Variants in CPXM2 observed in about 807,000 individuals in gnomAD.
The protein encoded by CPXM2 is inactive carboxypeptidase-like protein X2.
In CPXM2, 66 loss-of-function variants were observed where a neutral mutation model predicts 86.1. The observed-to-expected ratio is 0.77, with a 90% confidence interval of 0.63 to 0.94. The LOEUF (loss-of-function observed/expected upper bound fraction) is 0.94, where lower values mean the gene tolerates loss of function less well. CPXM2 is among the 40% of genes least tolerant of loss of function. The pLI is 0.00. For missense variants in CPXM2, 948 were observed against 1,026.3 expected (o/e 0.92, Z 1.04); for synonymous variants, 388 against 400.2 (o/e 0.97, Z 0.36).
intron 4 of CPXM2, among the ~76,000 whole-genome samples, chr10:123,835,971 GC>G (rs1261303883): frequency 6.6e-6 from 1 of 152,148 alleles, no homozygotes; most frequent in African/African-American, 2.4e-5. Flanking sequence ...GGAGGCTCGG[GC>G]TCCCCGACGC....
intron 6 of CPXM2, among the ~76,000 whole-genome samples, chr10:123,794,574 T>A (rs1847283487): frequency 6.6e-6 from 1 of 152,184 alleles, no homozygotes; most frequent in African/African-American, 2.4e-5. Flanking sequence ...CTCGCTTTTT[T>A]TTATTGTTAA....
chr10:123,783,390 T>G (rs1846978639), intron 6 of CPXM2, among the ~76,000 whole-genome samples: 1 of 152,232 alleles, frequency 6.6e-6, no homozygotes, highest in Non-Finnish European at 1.5e-5. Context: ...CTATTCCAGG[T>G]GCTTCAGATA....
intron 2 of CPXM2, among the ~76,000 whole-genome samples, chr10:123,911,338 GTCCCC>G (rs1480636116): frequency 1.3e-5 from 2 of 152,046 alleles, no homozygotes; most frequent in Non-Finnish European, 2.9e-5. Context: ...CAGGGGACAG[GTCCCC>G]CGGCAGCTGC....
chr10:123,859,808 G>C (rs1848815334), intron 3 of CPXM2, among the ~76,000 whole-genome samples: 1 of 152,228 alleles, frequency 6.6e-6, no homozygotes, highest in Non-Finnish European at 1.5e-5. Flanking sequence ...AGGGGAGCTT[G>C]GCATTCTGCC....
intron 11 of CPXM2, among the ~76,000 whole-genome samples, chr10:123,759,196 G>A (rs755618501): frequency 2.0e-4 from 30 of 152,218 alleles, no homozygotes; most frequent in South Asian, 4.2e-4. Flanking sequence ...AAATTCCTTC[G>A]GTCAAACCTG....
In CPXM2 at chr10:123,746,575, G is replaced by A; in HGVS notation, c.*189C>T. ...CTCTGTCCAAGTTATTTGGATAAATGGGAACAAAGAAAAGAAAACAGCCTC... is the reference window on the plus strand; with the variant it reads ...CTCTGTCCAAGTTATTTGGATAAATAGGAACAAAGAAAAGAAAACAGCCTC... On this transcript the variant is annotated 3_prime_UTR_variant, in exon 14 of 14. Transcript: ENST00000241305. The A allele has an allele frequency of 1.6e-6, 1 of 625,744 alleles. No individual in the cohort carries two copies. Among genetic ancestry groups the A allele is most frequent in the Non-Finnish European group, 2.8e-6 (1 of 361,212 alleles). The allele number at this position is 625,744 out of a possible 1,614,324, so 38.8% of individuals were successfully genotyped here.
intron 2 of CPXM2, among the ~76,000 whole-genome samples, chr10:123,912,318 G>GGT (rs1945497054): frequency 7.9e-6 from 1 of 126,578 alleles, no homozygotes; most frequent in Non-Finnish European, 1.7e-5. Context: ...CGGGGGGGGG[G>GGT]GGGCAGGCAT....
intron 1 of CPXM2, among the ~76,000 whole-genome samples, chr10:123,889,770 G>A (rs1020325228): frequency 6.6e-6 from 1 of 152,150 alleles, no homozygotes; most frequent in Non-Finnish European, 1.5e-5. Flanking sequence ...CTAAACATGG[G>A]TGTTAGGCCC....
chr10:123,851,117 G>A (rs1206870659), intron 3 of CPXM2, among the ~76,000 whole-genome samples: 1 of 152,004 alleles, frequency 6.6e-6, no homozygotes, highest in African/African-American at 2.4e-5. Context: ...TTTTTCTCAT[G>A]GCCATTGGCC....
intron 1 of CPXM2, among the ~76,000 whole-genome samples, chr10:123,883,491 C>T (rs1239604456): frequency 6.6e-6 from 1 of 152,220 alleles, no homozygotes; most frequent in African/African-American, 2.4e-5. Context: ...CAGCAGGAAA[C>T]AAAAATGCTG....
chr10:123,753,189 T>C (rs944778251), intron 13 of CPXM2, among the ~76,000 whole-genome samples: 1 of 152,030 alleles, frequency 6.6e-6, no homozygotes, highest in Admixed American at 6.5e-5. Context: ...CCCCGTGTAG[T>C]GTCAGTCCAC....
intron 4 of CPXM2, among the ~76,000 whole-genome samples, chr10:123,840,719 T>G (rs957543617): frequency 6.6e-6 from 1 of 152,172 alleles, no homozygotes; most frequent in African/African-American, 2.4e-5. Flanking sequence ...TTGCTGGATG[T>G]TATAATATTG....
chr10:123,846,201 G>A (rs1460291112), intron 3 of CPXM2, among the ~76,000 whole-genome samples: 1 of 152,084 alleles, frequency 6.6e-6, no homozygotes, highest in Non-Finnish European at 1.5e-5. Context: ...TTATTAAATT[G>A]TAATATATAA....
chr10:123,895,690 G>A (rs149314935), upstream of CPXM2, among the ~76,000 whole-genome samples: 1,287 of 152,238 alleles, frequency 8.5e-3, 13 homozygotes, highest in African/African-American at 0.029. Flanking sequence ...GAGTCTCTCC[G>A]CGTAGTGTAA....
chr10:123,930,236 C>T (rs989310020), intron 2 of CPXM2, among the ~76,000 whole-genome samples: 3 of 152,248 alleles, frequency 2.0e-5, no homozygotes, highest in African/African-American at 7.2e-5. Context: ...AGACCCCTCT[C>T]CTGGGCTTTT....
At chr10:123,847,424 G>A (rs529055067) in intron 3 of CPXM2, among the ~76,000 whole-genome samples, 1 of 152,226 alleles carries the variant, frequency 6.6e-6, no homozygotes, top group South Asian at 2.1e-4. Flanking sequence ...CACTCAGGAG[G>A]CTGAGGCAGG....
At chr10:123,907,947 G>A (rs1478553179) in intron 2 of CPXM2, among the ~76,000 whole-genome samples, 1 of 152,138 alleles carries the variant, frequency 6.6e-6, no homozygotes, top group Non-Finnish European at 1.5e-5. Context: ...AAGGGAGGGG[G>A]AGGAAAGGAA....
intron 2 of CPXM2, among the ~76,000 whole-genome samples, chr10:123,875,807 C>CTTTTTTTTTTTTTTTT (rs780970130): frequency 3.5e-5 from 3 of 84,680 alleles, no homozygotes; most frequent in African/African-American, 8.5e-5. Flanking sequence ...TCTTTTCTTT[C>CTTTTTTTTTTTTTTTT]TTTTTTTTTT....
intron 2 of CPXM2, among the ~76,000 whole-genome samples, chr10:123,920,642 A>C (rs948389792): frequency 5.3e-5 from 8 of 152,224 alleles, no homozygotes; most frequent in African/African-American, 1.7e-4. Flanking sequence ...ATGACAGTGG[A>C]TAATTGTTAG....
Sources: gnomAD v4.1 joint callset for allele counts (sites outside exome capture counted in the v4.1 genomes callset) on GRCh38, gnomAD v4.1.1 for gene constraint, MANE v1.5 for transcripts, NCBI Gene and HGNC (gene_info 2026-07-23, HGNC 2026-07-21) for gene names.